The following SOX6 variants were observed in gnomAD, a reference collection of about 807,000 sequenced individuals.
SOX6 encodes transcription factor SOX-6.
In SOX6, 11 loss-of-function variants were observed where a neutral mutation model predicts 97.8. The ratio of observed to expected loss-of-function variants is 0.11; its 90% confidence interval spans 0.07 to 0.19. SOX6 has a LOEUF of 0.19. Among genes scored for constraint, SOX6 ranks in the 10% least tolerant of loss-of-function variants. SOX6 has a pLI of 1.00. For missense variants in SOX6, 810 were observed against 1,039.5 expected (o/e 0.78, Z 3.04); for synonymous variants, 360 against 371.4 (o/e 0.97, Z 0.35).
At chr11:16,124,205 T>C (rs1849557261) in intron 6 of SOX6, among the ~76,000 whole-genome samples, 1 of 152,144 alleles carries the variant, frequency 6.6e-6, no homozygotes, top group Non-Finnish European at 1.5e-5. Flanking sequence ...ATTAAACAAA[T>C]GTTTCTTTTA....
chr11:15,980,197 A>ATTTGTTCT (rs1221736039), intron 15 of SOX6, among the ~76,000 whole-genome samples: 4 of 152,108 alleles, frequency 2.6e-5, no homozygotes, highest in Non-Finnish European at 5.9e-5. Flanking sequence ...GACACGAAAG[A>ATTTGTTCT]AGAAGATTAG....
rs563639409 is a variant in SOX6 at position 16,011,169 on chromosome 11, C to A, written c.1732+3773G>T. On this transcript the variant is annotated intron_variant, in intron 13 of 15. Coordinates refer to ENST00000683767, the MANE Select transcript of SOX6 (RefSeq NM_001367873.1). ...GAATAAGAAAAGGGGAAATGCCATA[C>A]GAAAAGTCCATAAAAAGTTCAACAG... Among the ~76,000 whole-genome samples, 9 of 152,112 alleles carry A rather than the reference C, an allele frequency of 5.9e-5. No individual in the cohort carries two copies. In the South Asian group the frequency reaches 8.3e-4, roughly 14 times the overall value.
rs183272663 is a variant in SOX6 at position 16,470,170 on chromosome 11, T to C, written c.-5+6145A>G. 1.2e-4 allele frequency among the ~76,000 whole-genome samples: 18 copies of C among 152,262 alleles called. No individual in the cohort carries two copies. The East Asian group carries it at 2.3e-3, about 20-fold the overall frequency. On this transcript the variant is annotated intron_variant, in intron 1 of 15. Transcript: ENST00000396356. ...TTTTAAATTCCTTACATTCCCAGCA[T>C]TAATGCTTTCATGGGGCAGCTCCCG... is the stretch of plus-strand genomic sequence containing the variant.
At chr11:16,474,666 C>G (rs1470630890) in intron 1 of SOX6, among the ~76,000 whole-genome samples, 1 of 152,168 alleles carries the variant, frequency 6.6e-6, no homozygotes, top group Non-Finnish European at 1.5e-5. Context: ...GTCACTCAGG[C>G]TTCCTTATTC....
chr11:16,327,886 CT>C (rs1165482216), intron 2 of SOX6, among the ~76,000 whole-genome samples: 1 of 152,120 alleles, frequency 6.6e-6, no homozygotes, highest in African/African-American at 2.4e-5. Flanking sequence ...CAAGAATCAA[CT>C]TCCCTACCGG....
intron 12 of SOX6, among the ~76,000 whole-genome samples, chr11:16,015,556 C>A (rs1449995398): frequency 6.6e-6 from 1 of 152,000 alleles, no homozygotes. Context: ...ATTGATACTA[C>A]TATTTTGTCT....
intron 9 of SOX6, among the ~76,000 whole-genome samples, chr11:16,089,254 G>A (rs76580106): frequency 0.026 from 3,945 of 152,164 alleles, 170 homozygotes; most frequent in African/African-American, 0.09. Context: ...GCATTGAATG[G>A]ATATCAGTAT....
chr11:16,438,845 G>A (rs184996498), intron 1 of SOX6, among the ~76,000 whole-genome samples: 1 of 152,182 alleles, frequency 6.6e-6, no homozygotes, highest in East Asian at 1.9e-4. Flanking sequence ...CCCCTTGCTC[G>A]CTCCTTACCT....
chr11:16,556,207 A>C (rs1847746840), intron 4 of SOX6, among the ~76,000 whole-genome samples: 1 of 151,772 alleles, frequency 6.6e-6, no homozygotes, highest in Non-Finnish European at 1.5e-5. Flanking sequence ...GAAATTCATT[A>C]CAGCCATAGC....
At chr11:15,996,979 T>A (rs1468574093) in intron 13 of SOX6, among the ~76,000 whole-genome samples, 1 of 151,942 alleles carries the variant, frequency 6.6e-6, no homozygotes, top group Admixed American at 6.6e-5. Context: ...AATTAATAAA[T>A]CCTAAGTAAG....
At chr11:16,499,790 A>C (rs1455527412) in intron 4 of SOX6, among the ~76,000 whole-genome samples, 2 of 152,182 alleles carry the variant, frequency 1.3e-5, no homozygotes, top group African/African-American at 4.8e-5. Flanking sequence ...TAGACCAATA[A>C]CAGGCTCTGA....
At chr11:16,111,992 C>G in intron 6 of SOX6, 69 bp from the exon 7 acceptor site, 1 of 1,600,288 alleles carries the variant, frequency 6.2e-7, no homozygotes, top group Non-Finnish European at 8.5e-7. Context: ...TTGTTTTTCA[C>G]TCCTGGTGGT....
intron 2 of SOX6, among the ~76,000 whole-genome samples, chr11:16,319,804 C>T (rs1029257739): frequency 2.7e-5 from 4 of 150,396 alleles, no homozygotes; most frequent in East Asian, 1.9e-4. Context: ...AATAAACATA[C>T]GTGTTAATGT....
intron 12 of SOX6, among the ~76,000 whole-genome samples, chr11:16,026,232 T>C (rs1272002497): frequency 6.6e-6 from 1 of 152,214 alleles, no homozygotes; most frequent in Non-Finnish European, 1.5e-5. Context: ...GCAGCACACA[T>C]TGATAAAATC....
intron 3 of SOX6, among the ~76,000 whole-genome samples, chr11:16,706,276 C>CAAA (rs113536333): frequency 3.9e-5 from 5 of 129,736 alleles, no homozygotes; most frequent in African/African-American, 1.4e-4. Context: ...CCATTTCTAC[C>CAAA]AAAAAAAAAA....
intron 4 of SOX6, among the ~76,000 whole-genome samples, chr11:16,188,418 A>G (rs1425905448): frequency 2.0e-5 from 3 of 152,116 alleles, no homozygotes; most frequent in African/African-American, 4.8e-5. Context: ...GAATTTATTA[A>G]AAGAAAATGG....
intron 3 of SOX6, among the ~76,000 whole-genome samples, chr11:16,695,934 G>A (rs1848050506): frequency 6.6e-6 from 1 of 152,150 alleles, no homozygotes; most frequent in Non-Finnish European, 1.5e-5. Context: ...TTGAACCTGG[G>A]AAGCAGACGT....
At position 16,732,595 on chromosome 11, in the gene SOX6, A is replaced by G. The variant is rs1446112292; in HGVS notation, n.353+3744T>C. Among the ~76,000 whole-genome samples the G allele has an allele frequency of 7.2e-5, 11 of 152,248 alleles. 1 individual carries two copies. The highest frequency in any genetic ancestry group is 1.3e-4 in the Non-Finnish European group (9 of 68,044). ...TTATACAAAAATTAACTCAAGGTGGATTAAAGACTTACATGTAAGACCTAA... is the reference window on the plus strand; with the variant it reads ...TTATACAAAAATTAACTCAAGGTGGGTTAAAGACTTACATGTAAGACCTAA... On this transcript the variant is annotated intron_variant and non_coding_transcript_variant, in intron 2 of 5. Coordinates refer to the SOX6 transcript ENST00000524520.
chr11:16,109,012 G>A lies in SOX6; in HGVS notation c.898+2791C>T, dbSNP rs564117360. Among the ~76,000 whole-genome samples, 15 of 151,912 alleles carry A rather than the reference G, an allele frequency of 9.9e-5. No individual in the cohort carries two copies. In the South Asian group the frequency reaches 2.1e-3, roughly 21 times the overall value. ...AATACCATGAAATCATTTCAGATAC[G>A]GGAAAGTGGAAAGGGAAAAAAAAAG... On this transcript the variant is annotated intron_variant, in intron 7 of 15. Coordinates refer to ENST00000683767, the MANE Select transcript of SOX6 (RefSeq NM_001367873.1).
Sources: gnomAD v4.1 joint callset for allele counts (sites outside exome capture counted in the v4.1 genomes callset) on GRCh38, gnomAD v4.1.1 for gene constraint, MANE v1.5 for transcripts, NCBI Gene and HGNC (gene_info 2026-07-23, HGNC 2026-07-21) for gene names.